Variants in MACROD2 observed in about 807,000 individuals in gnomAD.
MACROD2 encodes the protein ADP-ribose glycohydrolase MACROD2.
A neutral mutation model predicts 70.4 loss-of-function variants in MACROD2; 36 were observed. The ratio of observed to expected loss-of-function variants is 0.51; its 90% CI spans 0.39 to 0.68. The LOEUF (loss-of-function observed/expected upper bound fraction) is 0.68, where lower values mean the gene tolerates loss of function less well. Among genes scored for constraint, MACROD2 ranks in the 30% least tolerant of loss-of-function variants. The pLI, the probability that MACROD2 is intolerant of heterozygous loss-of-function variation, is 0.00. For synonymous variants in MACROD2, 172 were observed against 178.8 expected, an observed-to-expected ratio of 0.96 and a Z score of 0.30; for missense variants, 496 against 538.4, an observed-to-expected ratio of 0.92 and a Z score of 0.78.
At chr20:15,871,109 G>C (rs1053514396) in intron 9 of MACROD2, among the ~76,000 whole-genome samples, 1 of 148,642 alleles carries the variant, frequency 6.7e-6, no homozygotes, top group African/African-American at 2.5e-5. Context: ...CCGAGAGGTG[G>C]AGGTTGCAGT....
chr20:15,540,698 G>A (rs543321665), intron 8 of MACROD2, among the ~76,000 whole-genome samples: 1 of 152,308 alleles, frequency 6.6e-6, no homozygotes, highest in South Asian at 2.1e-4. Context: ...ACTGGAGGCT[G>A]GCAGTCTAAA....
chr20:15,146,812 A>G (rs968615905), intron 5 of MACROD2, among the ~76,000 whole-genome samples: 5 of 152,260 alleles, frequency 3.3e-5, no homozygotes, highest in Middle Eastern at 3.4e-3. Context: ...AGGCATTCTG[A>G]GATGCCAATT....
At chr20:14,023,181 A>G (rs1045792295) in intron 2 of MACROD2, among the ~76,000 whole-genome samples, 1 of 152,224 alleles carries the variant, frequency 6.6e-6, no homozygotes, top group East Asian at 1.9e-4. Context: ...TTTCATATGT[A>G]TGTTGGCTGC....
chr20:14,117,561 C>T lies in MACROD2; in HGVS notation c.271+31833C>T, dbSNP rs532602730. Reference sequence around the variant, plus strand: ...GTTGTTTATATGGTGCTAGGAAAACCGAGAGGAGGCCAGTATATTCACAGC... The same window carrying T: ...GTTGTTTATATGGTGCTAGGAAAACTGAGAGGAGGCCAGTATATTCACAGC... On this transcript the variant is annotated intron_variant, in intron 3 of 17. Transcript: ENST00000684519. 3.9e-5 allele frequency among the ~76,000 whole-genome samples: 6 copies of T among 152,202 alleles called. No individual in the cohort carries two copies. The East Asian group carries it at 1.2e-3, about 29-fold the overall frequency.
chr20:15,373,372 T>A (rs1481201327), intron 6 of MACROD2, among the ~76,000 whole-genome samples: 2 of 152,174 alleles, frequency 1.3e-5, no homozygotes, highest in Non-Finnish European at 1.5e-5. Context: ...TTTTCTCTTC[T>A]AGGTGAATTA....
At chr20:15,581,310 A>G (rs962128830) in intron 8 of MACROD2, among the ~76,000 whole-genome samples, 4 of 152,224 alleles carry the variant, frequency 2.6e-5, no homozygotes, top group African/African-American at 7.2e-5. Context: ...CAGTACACAG[A>G]CGTCCACTGG....
intron 4 of MACROD2, among the ~76,000 whole-genome samples, chr20:14,502,314 A>T (rs2084923285): frequency 6.6e-6 from 1 of 152,170 alleles, no homozygotes; most frequent in South Asian, 2.1e-4. Flanking sequence ...TTTACCCCTC[A>T]AACTGAAGAT....
At chr20:14,275,931 C>T (rs1482795741) in intron 3 of MACROD2, among the ~76,000 whole-genome samples, 2 of 152,206 alleles carry the variant, frequency 1.3e-5, no homozygotes, top group African/African-American at 4.8e-5. Context: ...CAGTGAGATA[C>T]CATCTCACAT....
chr20:14,885,790 G>T (rs1037581881), intron 5 of MACROD2, among the ~76,000 whole-genome samples: 20 of 152,040 alleles, frequency 1.3e-4, no homozygotes, highest in African/African-American at 3.4e-4. Flanking sequence ...CATTCCCTTT[G>T]CTGGGATAAT....
intron 12 of MACROD2, among the ~76,000 whole-genome samples, chr20:15,955,317 GA>G (rs1193333484): frequency 6.6e-6 from 1 of 152,122 alleles, no homozygotes; most frequent in African/African-American, 2.4e-5. Flanking sequence ...ATCAGACTAA[GA>G]AATTTAGGTC....
chr20:15,428,002 G>T (rs2046321084), intron 6 of MACROD2, among the ~76,000 whole-genome samples: 1 of 152,166 alleles, frequency 6.6e-6, no homozygotes, highest in Non-Finnish European at 1.5e-5. Flanking sequence ...CAAGAACAAA[G>T]AATTATCTGG....
chr20:15,589,289 AC>A (rs2048645958), intron 8 of MACROD2, among the ~76,000 whole-genome samples: 1 of 152,240 alleles, frequency 6.6e-6, no homozygotes, highest in East Asian at 1.9e-4. Flanking sequence ...TCTGGGAGAT[AC>A]AATTCAAGTT....
At chr20:14,355,331 ACT>A (rs1240851609) in intron 3 of MACROD2, among the ~76,000 whole-genome samples, 4 of 152,320 alleles carry the variant, frequency 2.6e-5, no homozygotes, top group Admixed American at 2.0e-4. Context: ...GTGAGTTATG[ACT>A]CTGACTAGGA....
chr20:14,621,388 C>T (rs539286604), intron 4 of MACROD2, among the ~76,000 whole-genome samples: 99 of 152,084 alleles, frequency 6.5e-4, no homozygotes, highest in South Asian at 1.2e-3. Context: ...CTAGGGTAAT[C>T]ATCATTATGA....
intron 8 of MACROD2, among the ~76,000 whole-genome samples, chr20:15,532,617 A>G (rs2047818889): frequency 6.6e-6 from 1 of 151,516 alleles, no homozygotes; most frequent in African/African-American, 2.5e-5. Flanking sequence ...TATAAACTCA[A>G]TTATAAGAAC....
At chr20:15,105,534 TAAATG>T (rs1018297117) in intron 5 of MACROD2, among the ~76,000 whole-genome samples, 5 of 152,178 alleles carry the variant, frequency 3.3e-5, no homozygotes, top group African/African-American at 1.2e-4. Context: ...GATACCAAAA[TAAATG>T]AGAGTGAAAG....
intron 3 of MACROD2, among the ~76,000 whole-genome samples, chr20:14,353,137 T>A (rs1261982951): frequency 6.6e-6 from 1 of 152,004 alleles, no homozygotes; most frequent in Non-Finnish European, 1.5e-5. Flanking sequence ...AAATAGGGGG[T>A]CTAGGGTGTG....
intron 5 of MACROD2, among the ~76,000 whole-genome samples, chr20:14,731,081 T>G (rs1180360989): frequency 6.6e-6 from 1 of 152,052 alleles, no homozygotes; most frequent in Non-Finnish European, 1.5e-5. Context: ...TTTCAGGAAC[T>G]ATTTTCTGCT....
At chr20:14,732,594 A>T (rs6042883) in intron 5 of MACROD2, among the ~76,000 whole-genome samples, 1,663 of 152,272 alleles carry the variant, frequency 0.011, 28 homozygotes, top group African/African-American at 0.038. Flanking sequence ...CAGAAATTAA[A>T]GTGGCATTAT....
Sources: gnomAD v4.1 joint callset for allele counts (sites outside exome capture counted in the v4.1 genomes callset) on GRCh38, gnomAD v4.1.1 for gene constraint, MANE v1.5 for transcripts, NCBI Gene and HGNC (gene_info 2026-07-23, HGNC 2026-07-21) for gene names.